Variants in STAG1 observed in about 807,000 individuals in gnomAD.
STAG1 encodes the protein STAG1 cohesin complex component.
STAG1 carries 26 observed loss-of-function variants against 170.9 expected under a neutral mutation model. The observed-to-expected ratio is 0.15, with a 90% CI of 0.11 to 0.21. The LOEUF is 0.21. STAG1 is among the 10% of genes least tolerant of loss of function. The pLI, the probability that STAG1 is intolerant of heterozygous loss-of-function variation, is 1.00. For synonymous variants in STAG1, 514 were observed against 497.7 expected (o/e 1.03, Z -0.44); for missense variants, 964 against 1,509.5 (o/e 0.64, Z 5.99).
chr3:136,564,963 GAGGAAGGAAGGAAGGAAGGA>G (rs546552313), intron 5 of STAG1, among the ~76,000 whole-genome samples: 4 of 37,752 alleles, frequency 1.1e-4, no homozygotes, highest in Non-Finnish European at 2.2e-4. Flanking sequence ...ACATGTGTAT[GAGGAAGGAAGGAAGGAAGGA>G]AGGAAGGAAG....
chr3:136,656,617 TTGTG>T (rs71157397), intron 1 of STAG1, among the ~76,000 whole-genome samples: 59 of 143,388 alleles, frequency 4.1e-4, no homozygotes, highest in East Asian at 1.0e-3. Context: ...CTGTATTTAT[TTGTG>T]TGTGTGTGTG....
intron 15 of STAG1, among the ~76,000 whole-genome samples, chr3:136,439,472 T>A (rs1056881179): frequency 5.4e-5 from 8 of 148,974 alleles, no homozygotes; most frequent in African/African-American, 2.0e-4. Flanking sequence ...AAGGCCACTG[T>A]GATTTAAACT....
At chr3:136,573,098 G>A (rs1937329577) in intron 4 of STAG1, among the ~76,000 whole-genome samples, 2 of 151,976 alleles carry the variant, frequency 1.3e-5, no homozygotes, top group Non-Finnish European at 2.9e-5. Flanking sequence ...AGGGTCACTT[G>A]AGTCCAGGAG....
chr3:136,522,911 T>C (rs1049918929), intron 6 of STAG1, among the ~76,000 whole-genome samples: 3 of 152,196 alleles, frequency 2.0e-5, no homozygotes, highest in Non-Finnish European at 2.9e-5. Context: ...TCATTTTTTA[T>C]GGCTGCATAT....
chr3:136,342,178 C>G (rs1338011807), intron 30 of STAG1, among the ~76,000 whole-genome samples: 1 of 151,950 alleles, frequency 6.6e-6, no homozygotes, highest in Non-Finnish European at 1.5e-5. Flanking sequence ...CACCACCACA[C>G]CCAGCTAATT....
intron 15 of STAG1, among the ~76,000 whole-genome samples, chr3:136,434,829 T>G (rs1416834012): frequency 1.3e-5 from 2 of 152,294 alleles, no homozygotes; most frequent in Non-Finnish European, 2.9e-5. Context: ...TTCCTTCCTT[T>G]CACTTTTTCT....
intron 1 of STAG1, among the ~76,000 whole-genome samples, chr3:136,751,394 A>G (rs1317218644): frequency 5.3e-5 from 8 of 152,092 alleles, no homozygotes; most frequent in Admixed American, 5.2e-4. Flanking sequence ...CTCAGGTCCA[A>G]CTCCAAGCAC....
intron 1 of STAG1, among the ~76,000 whole-genome samples, chr3:136,652,031 T>C (rs1478431409): frequency 6.6e-6 from 1 of 152,144 alleles, no homozygotes; most frequent in Non-Finnish European, 1.5e-5. Flanking sequence ...AGTAGAAAGA[T>C]CACAGGAAAG....
At chr3:136,471,601 G>A (rs1473337587) in intron 12 of STAG1, among the ~76,000 whole-genome samples, 1 of 152,192 alleles carries the variant, frequency 6.6e-6, no homozygotes, top group Non-Finnish European at 1.5e-5. Flanking sequence ...AAAGTAGGGA[G>A]AGGAGGATTT....
chr3:136,409,028 G>A (rs956517769), intron 21 of STAG1, among the ~76,000 whole-genome samples: 1 of 152,106 alleles, frequency 6.6e-6, no homozygotes, highest in African/African-American at 2.4e-5. Context: ...CACTTTGGGA[G>A]GCCGAGGCGG....
chr3:136,511,956 T>C (rs1934084829), intron 7 of STAG1, among the ~76,000 whole-genome samples: 1 of 151,416 alleles, frequency 6.6e-6, no homozygotes, highest in Non-Finnish European at 1.5e-5. Context: ...ACCATATCTC[T>C]AAGAAAAACA....
chr3:136,480,785 G>A lies in STAG1; in HGVS notation c.903-3373C>T, dbSNP rs575436856. Among the ~76,000 whole-genome samples, 5 of 80,536 alleles carry A rather than the reference G, an allele frequency of 6.2e-5. 2 individuals are homozygous for A. The East Asian group carries it at 4.0e-3, about 65-fold the overall frequency. The allele number at this position is 80,536 out of a possible 152,430, so 52.8% of individuals were successfully genotyped here. A position where few individuals can be genotyped will look rare whatever the true frequency, so the allele number is the denominator to read the frequency against. ...AGTGGTTTGTAGTTCTCCTTGAAGA[G>A]GTCCTTCACATCCCTTGTAAGTTGG... On this transcript the variant is annotated intron_variant, in intron 9 of 33. Transcript: ENST00000383202.
chr3:136,646,982 A>C (rs1239175070), intron 1 of STAG1, among the ~76,000 whole-genome samples: 2 of 152,180 alleles, frequency 1.3e-5, no homozygotes, highest in Non-Finnish European at 2.9e-5. Context: ...CAACACAAAG[A>C]AATAATGAAT....
At chr3:136,598,997 T>C (rs1027812559) in intron 4 of STAG1, among the ~76,000 whole-genome samples, 1 of 152,148 alleles carries the variant, frequency 6.6e-6, no homozygotes, top group African/African-American at 2.4e-5. Flanking sequence ...TCCAAAATTA[T>C]CTCTTCAAAA....
intron 21 of STAG1, among the ~76,000 whole-genome samples, chr3:136,410,268 C>A (rs1427262484): frequency 1.3e-5 from 2 of 150,648 alleles, no homozygotes; most frequent in Non-Finnish European, 3.0e-5. Context: ...GGTGTGGTGG[C>A]GGGCTCCTGT....
At chr3:136,700,415 CTTCT>C (rs1943019433) in intron 1 of STAG1, among the ~76,000 whole-genome samples, 2 of 149,308 alleles carry the variant, frequency 1.3e-5, no homozygotes, top group African/African-American at 2.5e-5. Flanking sequence ...TAAATTACTT[CTTCT>C]TTTTTTTTTT....
intron 2 of STAG1, among the ~76,000 whole-genome samples, chr3:136,624,724 C>T (rs568127003): frequency 6.2e-4 from 95 of 152,242 alleles, no homozygotes; most frequent in African/African-American, 2.2e-3. Flanking sequence ...ATAAATTAAG[C>T]ATTGATTTTT....
chr3:136,414,002 C>G (rs1376176306), intron 21 of STAG1, among the ~76,000 whole-genome samples: 2 of 152,216 alleles, frequency 1.3e-5, no homozygotes, highest in African/African-American at 4.8e-5. Flanking sequence ...CATAGCTTAA[C>G]TAAAAAATGT....
At chr3:136,453,966 G>A (rs1376482701) in intron 13 of STAG1, among the ~76,000 whole-genome samples, 5 of 152,088 alleles carry the variant, frequency 3.3e-5, no homozygotes, top group Admixed American at 2.0e-4. Flanking sequence ...GGGGACTAGA[G>A]AACTTATCTT....
Sources: gnomAD v4.1 joint callset for allele counts (sites outside exome capture counted in the v4.1 genomes callset) on GRCh38, gnomAD v4.1.1 for gene constraint, MANE v1.5 for transcripts, NCBI Gene and HGNC (gene_info 2026-07-23, HGNC 2026-07-21) for gene names.